ANKIB1: variants seen among roughly 807,000 people sequenced by gnomAD.
ANKIB1 encodes the protein ankyrin repeat and IBR domain containing 1, also known as ankyrin repeat and IBR domain-containing protein 1.
Under a neutral mutation model 122.1 loss-of-function variants are expected in ANKIB1, and 43 were observed. The ratio of observed to expected loss-of-function variants is 0.35; its 90% CI spans 0.28 to 0.45. The LOEUF is 0.45. ANKIB1 is among the 20% of genes least tolerant of loss of function. The probability of loss-of-function intolerance (pLI) is 1.00; values close to 1 mark genes in which losing one functional copy is unlikely to be tolerated. For synonymous variants in ANKIB1, 390 were observed against 442.0 expected (o/e 0.88, Z 1.48); for missense variants, 992 against 1,329.5 (o/e 0.75, Z 3.95).
intron 16 of ANKIB1, 139 bp from the exon 17 acceptor site, chr7:92,392,100 TTC>T: frequency 1.9e-6 from 1 of 530,904 alleles, no homozygotes; most frequent in Non-Finnish European, 3.2e-6. Flanking sequence ...ATCATTTTAA[TTC>T]TGTTTTAATA....
At chr7:92,366,961 G>T (rs1180304784) in intron 10 of ANKIB1, among the ~76,000 whole-genome samples, 2 of 152,104 alleles carry the variant, frequency 1.3e-5, no homozygotes, top group African/African-American at 4.8e-5. Flanking sequence ...CTAGGGAAGG[G>T]GAAGAAGAAT....
intron 3 of ANKIB1, among the ~76,000 whole-genome samples, chr7:92,311,921 T>C (rs930078669): frequency 6.6e-6 from 1 of 152,132 alleles, no homozygotes; most frequent in Non-Finnish European, 1.5e-5. Flanking sequence ...TATCCAACAA[T>C]CTCTCAAATT....
chr7:92,390,048 T>A lies in ANKIB1; in HGVS notation c.1984T>A (p.Cys662Ser), dbSNP rs1562800813. The change falls in exon 15 of 20, where the codon TGT becomes AGT. Residue 662 changes from cysteine to serine, a missense_variant. Cys to Ser is a moderately radical substitution (Grantham distance 112). Transcript: ENST00000265742. ...VLLKTRRILK[C>S]SYPYGFFLEP... ...CTTAAAAACTCGGCGCATTCTCAAG[T>A]GTTCTTATCCATATGGATTTTTCTT... is the stretch of plus-strand genomic sequence containing the variant. 18 of 1,605,858 alleles carry A rather than the reference T, an allele frequency of 1.1e-5. No homozygotes were observed. Among genetic ancestry groups the A allele is most frequent in the Non-Finnish European group, 1.4e-5 (17 of 1,177,468 alleles).
chr7:92,359,188 A>C (rs1248623328), intron 9 of ANKIB1, among the ~76,000 whole-genome samples: 1 of 152,122 alleles, frequency 6.6e-6, no homozygotes, highest in Non-Finnish European at 1.5e-5. Context: ...TGTCACCTAC[A>C]TTAGGTATTT....
intron 7 of ANKIB1, among the ~76,000 whole-genome samples, chr7:92,346,763 C>A (rs1455804941): frequency 6.6e-6 from 1 of 152,162 alleles, no homozygotes; most frequent in Non-Finnish European, 1.5e-5. Flanking sequence ...AAAATTGAGT[C>A]CCCCAGGGGA....
At position 92,305,513 on chromosome 7, in the gene ANKIB1, C is replaced by T. The variant is rs147943269; in HGVS notation, c.189-1846C>T. ...CTATAAACTATTTGGGAGAAGGGAA[C>T]AGACAGGTAAAAAAGTATGATAAAA... is the stretch of plus-strand genomic sequence containing the variant. On this transcript the variant is annotated intron_variant, in intron 2 of 19. Transcript: ENST00000265742. Among the ~76,000 whole-genome samples, 327 of 152,198 alleles carry T rather than the reference C, an allele frequency of 2.1e-3. 1 individual carries two copies. The highest frequency in any genetic ancestry group is 3.9e-3 in the Non-Finnish European group (266 of 68,010).
At chr7:92,330,502 C>T (rs1366135661) in intron 5 of ANKIB1, among the ~76,000 whole-genome samples, 2 of 151,702 alleles carry the variant, frequency 1.3e-5, no homozygotes. Context: ...AAAATTTAGA[C>T]CTGAGTAAAA....
chr7:92,259,184 G>A (rs1309405501), intron 1 of ANKIB1, among the ~76,000 whole-genome samples: 1 of 152,088 alleles, frequency 6.6e-6, no homozygotes, highest in African/African-American at 2.4e-5. Context: ...TCGGACTCTT[G>A]AGCTCAAGTG....
intron 9 of ANKIB1, among the ~76,000 whole-genome samples, chr7:92,357,988 A>G (rs1026905449): frequency 6.6e-6 from 1 of 152,126 alleles, no homozygotes; most frequent in Non-Finnish European, 1.5e-5. Context: ...CACGCCTGTA[A>G]TCCCAGCACT....
At chr7:92,314,192 G>C (rs908300855) in intron 3 of ANKIB1, among the ~76,000 whole-genome samples, 8 of 151,974 alleles carry the variant, frequency 5.3e-5, no homozygotes, top group Non-Finnish European at 1.0e-4. Flanking sequence ...CAGCTACTCA[G>C]GAGGCTGAGG....
chr7:92,288,101 C>CA (rs1227499630), intron 1 of ANKIB1, among the ~76,000 whole-genome samples: 4 of 148,864 alleles, frequency 2.7e-5, no homozygotes, highest in African/African-American at 9.9e-5. Flanking sequence ...TAGACAATCC[C>CA]AAAAAATCCA....
chr7:92,343,170 C>T lies in ANKIB1; in HGVS notation c.934C>T (p.Arg312Cys), dbSNP rs747057661. The change falls in exon 6 of 20, where the codon CGC becomes TGC. Residue 312 changes from arginine (R) to cysteine (C), a missense_variant. Arg to Cys is a radical substitution (Grantham distance 180). This residue lies in a region of ANKIB1 where 521 missense variants were observed against 777.7 expected (regional missense o/e 0.67). Transcript: ENST00000265742. The stretch of plus-strand genomic sequence containing the variant: ...ATCTCCAAGAACTCCAAGGACTACA[C>T]GCTCTTCTGTCACCTCCCCAGATGA... ...LPSPRTPRTTRSSVTSPDEIS... is the reference protein window; with the variant it reads ...LPSPRTPRTTCSSVTSPDEIS... 9.3e-6 allele frequency: 15 copies of T among 1,613,866 alleles called. No homozygotes were observed. Among genetic ancestry groups the T allele is most frequent in the Middle Eastern group, 3.3e-4 (2 of 6,084 alleles).
chr7:92,377,519 C>T (rs907225052), intron 11 of ANKIB1, among the ~76,000 whole-genome samples: 1 of 152,038 alleles, frequency 6.6e-6, no homozygotes, highest in Admixed American at 6.5e-5. Context: ...GAAAAATGAC[C>T]AGTAGACCTT....
At chr7:92,282,786 A>G (rs1311042183) in intron 1 of ANKIB1, among the ~76,000 whole-genome samples, 2 of 152,200 alleles carry the variant, frequency 1.3e-5, no homozygotes, top group Admixed American at 1.3e-4. Context: ...AAAGCTGAAT[A>G]CTGCCTATGA....
chr7:92,323,468 T>C (rs1271610806), intron 4 of ANKIB1, among the ~76,000 whole-genome samples: 4 of 149,718 alleles, frequency 2.7e-5, no homozygotes, highest in Non-Finnish European at 6.0e-5. Context: ...TTCAGAGTTA[T>C]AACTTTTTTT....
chr7:92,260,557 G>A (rs953274267), intron 1 of ANKIB1, among the ~76,000 whole-genome samples: 3 of 152,054 alleles, frequency 2.0e-5, no homozygotes, highest in African/African-American at 7.3e-5. Context: ...GTACATGGCG[G>A]TAGTCCCAGC....
At chr7:92,307,332 T>C in intron 2 of ANKIB1, 27 bp from the exon 3 acceptor site, 1 of 1,580,100 alleles carries the variant, frequency 6.3e-7, no homozygotes, top group Non-Finnish European at 8.6e-7. Flanking sequence ...TTTTCATCCT[T>C]TATTTTTCCC....
intron 14 of ANKIB1, 46 bp from the exon 15 acceptor site, chr7:92,389,925 G>T: frequency 6.5e-7 from 1 of 1,538,936 alleles, no homozygotes; most frequent in Admixed American, 2.3e-5. Context: ...TATTATAAAT[G>T]GCATATTTGC....
intron 1 of ANKIB1, among the ~76,000 whole-genome samples, chr7:92,293,160 G>A (rs999809327): frequency 2.0e-5 from 3 of 152,084 alleles, no homozygotes; most frequent in Admixed American, 2.0e-4. Flanking sequence ...TCTGCACATT[G>A]AAAATCACAT....
Sources: allele counts gnomAD v4.1 joint callset (sites outside exome capture counted in the v4.1 genomes callset), GRCh38; gene constraint gnomAD v4.1.1; regional missense constraint gnomAD v4.1.1; transcripts MANE v1.5; gene names NCBI Gene and HGNC (gene_info 2026-07-23, HGNC 2026-07-21).